KCNB2: variants seen among roughly 807,000 people sequenced by gnomAD.
The protein encoded by KCNB2 is delayed rectifier potassium channel protein.
In KCNB2, 15 loss-of-function variants were observed where a neutral mutation model predicts 61.5. The ratio of observed to expected loss-of-function variants is 0.24; its 90% CI spans 0.16 to 0.38. The LOEUF is 0.38. Ranked by LOEUF, KCNB2 falls within the 10% of genes least tolerant of loss-of-function variation. KCNB2 has a pLI of 1.00. For missense variants in KCNB2, 828 were observed against 1,125.2 expected, an observed-to-expected ratio of 0.74 and a Z score of 3.78; for synonymous variants, 457 against 446.0, an observed-to-expected ratio of 1.02 and a Z score of -0.31.
rs534902036 is a variant in KCNB2, at chr8:72,639,444, G to A, written c.579+71131G>A. ...TTAATATTTCACATTTTCTTCCCTT[G>A]GTTTTAGACTTTTCTACCTCTGGCT... On this transcript the variant is annotated intron_variant, in intron 2 of 2. Transcript: ENST00000523207. Among the ~76,000 whole-genome samples, 6 of 152,134 alleles carry A rather than the reference G, an allele frequency of 3.9e-5. No homozygotes were observed. The South Asian group carries it at 1.2e-3, about 32-fold the overall frequency.
intron 2 of KCNB2, among the ~76,000 whole-genome samples, chr8:72,692,400 G>T (rs970608679): frequency 3.9e-5 from 6 of 152,086 alleles, no homozygotes; most frequent in Non-Finnish European, 8.8e-5. Flanking sequence ...AAGAAACACT[G>T]CCCCATTCCA....
chr8:72,924,636 G>A (rs1274421197), intron 2 of KCNB2, among the ~76,000 whole-genome samples: 1 of 151,510 alleles, frequency 6.6e-6, no homozygotes, highest in Non-Finnish European at 1.5e-5. Flanking sequence ...GTCCGCATCA[G>A]ACAGCTATAA....
chr8:72,639,311 G>T (rs1806015822), intron 2 of KCNB2, among the ~76,000 whole-genome samples: 2 of 152,066 alleles, frequency 1.3e-5, no homozygotes, highest in South Asian at 4.2e-4. Flanking sequence ...CCAGCAGGAC[G>T]CCTATTGATT....
chr8:72,650,913 C>G (rs1452611870), intron 2 of KCNB2, among the ~76,000 whole-genome samples: 1 of 152,140 alleles, frequency 6.6e-6, no homozygotes, highest in Non-Finnish European at 1.5e-5. Context: ...CTTGTATTTA[C>G]TATATGGCAG....
chr8:72,782,479 C>T (rs1808777158), intron 2 of KCNB2, among the ~76,000 whole-genome samples: 1 of 152,112 alleles, frequency 6.6e-6, no homozygotes, highest in South Asian at 2.1e-4. Flanking sequence ...GCCTCTTGAA[C>T]TTGGTGCCTT....
At chr8:72,811,065 C>G (rs899258756) in intron 2 of KCNB2, among the ~76,000 whole-genome samples, 5 of 151,760 alleles carry the variant, frequency 3.3e-5, no homozygotes, top group African/African-American at 7.3e-5. Flanking sequence ...CCTTCTCGAT[C>G]ATTTCTTTTT....
chr8:72,650,082 A>T (rs748500433), intron 2 of KCNB2, among the ~76,000 whole-genome samples: 2 of 152,186 alleles, frequency 1.3e-5, no homozygotes, highest in Non-Finnish European at 2.9e-5. Context: ...AAAGACAATT[A>T]TACAGAGAAG....
intron 2 of KCNB2, among the ~76,000 whole-genome samples, chr8:72,634,953 C>G (rs900743075): frequency 3.9e-5 from 6 of 152,136 alleles, no homozygotes; most frequent in Non-Finnish European, 7.3e-5. Context: ...TTTGGAAAGC[C>G]TGGAGACATG....
chr8:72,842,122 AGTTGAG>A (rs1449337755), intron 2 of KCNB2, among the ~76,000 whole-genome samples: 1 of 5,664 alleles, frequency 1.8e-4, no homozygotes, highest in African/African-American at 3.4e-4. Flanking sequence ...GTTTATTGAG[AGTTGAG>A]AGTTTTTAGC....
intron 2 of KCNB2, among the ~76,000 whole-genome samples, chr8:72,694,563 A>T (rs1806987993): frequency 6.6e-6 from 1 of 152,218 alleles, no homozygotes; most frequent in South Asian, 2.1e-4. Flanking sequence ...AGACTTTTAC[A>T]TAGACAGACA....
In KCNB2 at chr8:72,868,815, G is replaced by A. The variant is rs1805572872; in HGVS notation, c.580-67120G>A. Among the ~76,000 whole-genome samples the A allele has an allele frequency of 1.3e-5, 2 of 152,060 alleles. 1 individual carries two copies. The highest frequency in any genetic ancestry group is 4.8e-5 in the African/African-American group (2 of 41,386). ...GAGAAAAATGGCTGAGTATCAGAAGGGCACGTGTGGGCCATAGGTGCACAT... is the reference window on the plus strand; with the variant it reads ...GAGAAAAATGGCTGAGTATCAGAAGAGCACGTGTGGGCCATAGGTGCACAT... On this transcript the variant is annotated intron_variant, in intron 2 of 2. Coordinates refer to ENST00000523207, the MANE Select transcript of KCNB2 (RefSeq NM_004770.3).
At chr8:72,623,751 C>G (rs954414692) in intron 2 of KCNB2, among the ~76,000 whole-genome samples, 1 of 152,166 alleles carries the variant, frequency 6.6e-6, no homozygotes, top group Non-Finnish European at 1.5e-5. Context: ...ATTCTCATGA[C>G]AACCACTACA....
intron 2 of KCNB2, among the ~76,000 whole-genome samples, chr8:72,862,016 G>T (rs12543213): frequency 0.16 from 25,063 of 152,042 alleles, 2,290 homozygotes; most frequent in Admixed American, 0.26. Flanking sequence ...TACTAAAAAT[G>T]TAAAAATTAG....
intron 1 of KCNB2, among the ~76,000 whole-genome samples, chr8:72,538,568 A>C (rs1380262198): frequency 6.6e-6 from 1 of 152,210 alleles, no homozygotes; most frequent in Non-Finnish European, 1.5e-5. Context: ...ATATGCACAA[A>C]CATGCCATTT....
At chr8:72,853,147 A>G (rs1295345317) in intron 2 of KCNB2, among the ~76,000 whole-genome samples, 1 of 152,208 alleles carries the variant, frequency 6.6e-6, no homozygotes, top group African/African-American at 2.4e-5. Flanking sequence ...CCTCCTCCCA[A>G]TCCCCTTTAC....
intron 2 of KCNB2, among the ~76,000 whole-genome samples, chr8:72,680,185 A>G (rs1050305798): frequency 6.6e-5 from 10 of 152,170 alleles, no homozygotes; most frequent in Middle Eastern, 3.2e-3. Flanking sequence ...GGCCTGTGCT[A>G]CAGGGAATGA....
At chr8:72,769,752 G>A (rs1175030895) in intron 2 of KCNB2, among the ~76,000 whole-genome samples, 1 of 152,152 alleles carries the variant, frequency 6.6e-6, no homozygotes, top group East Asian at 1.9e-4. Flanking sequence ...AGGACCATAG[G>A]GAAGGAGTGG....
intron 2 of KCNB2, among the ~76,000 whole-genome samples, chr8:72,911,980 C>T (rs1806304245): frequency 6.6e-6 from 1 of 152,150 alleles, no homozygotes; most frequent in Non-Finnish European, 1.5e-5. Flanking sequence ...ATGGTACCAA[C>T]CTTAAAATGT....
chr8:72,628,188 A>G (rs1232991813), intron 2 of KCNB2, among the ~76,000 whole-genome samples: 1 of 152,098 alleles, frequency 6.6e-6, no homozygotes, highest in Non-Finnish European at 1.5e-5. Flanking sequence ...TCCTGGCCTC[A>G]TGTCATCTGC....
Sources: allele counts gnomAD v4.1 joint callset (sites outside exome capture counted in the v4.1 genomes callset), GRCh38; gene constraint gnomAD v4.1.1; transcripts MANE v1.5; gene names NCBI Gene and HGNC (gene_info 2026-07-23, HGNC 2026-07-21).